Variants in PTGES3 observed in about 807,000 individuals in gnomAD.
The protein encoded by PTGES3 is Hsp90 co-chaperone.
In PTGES3, 5 loss-of-function variants were observed where a neutral mutation model predicts 29.9. The observed-to-expected ratio is 0.17, with a 90% CI of 0.09 to 0.35. PTGES3 has a LOEUF of 0.35. Among genes scored for constraint, PTGES3 ranks in the 10% least tolerant of loss-of-function variants. PTGES3 has a pLI of 1.00. For synonymous variants in PTGES3, 49 were observed against 57.8 expected (o/e 0.85, Z 0.69); for missense variants, 128 against 190.0 (o/e 0.67, Z 1.92).
At chr12:56,670,641 A>C (rs1951965944) in intron 4 of PTGES3, 2 of 293,654 alleles carry the variant, frequency 6.8e-6, no homozygotes, top group Non-Finnish European at 1.3e-5. Flanking sequence ...TAGCGTGGTT[A>C]CCTGACATAT....
At chr12:56,686,847 G>GA in intron 1 of PTGES3, 1 of 396,870 alleles carries the variant, frequency 2.5e-6, no homozygotes. Flanking sequence ...ATCATGACTT[G>GA]AATCAAGCAA....
Position 56,672,766 on chromosome 12 carries a change from C to T in PTGES3, c.160G>A (p.Asp54Asn), listed in dbSNP as rs758914594. 1 of 1,589,738 alleles carries T rather than the reference C, an allele frequency of 6.3e-7. No homozygotes were observed. Residue 54 changes from aspartate to asparagine, a missense_variant, in exon 3 of 8, where the codon GAT becomes AAT. Asp to Asn is a conservative substitution (Grantham distance 23, BLOSUM62 1). Coordinates refer to ENST00000262033, the MANE Select transcript of PTGES3 (RefSeq NM_006601.7). ...TTTGGATCAATACAGTGAAAAAGAT[C>T]AATTTCATTTAAATGCTTAAAATTA... is the stretch of plus-strand genomic sequence containing the variant. Reference protein sequence around the residue: ...SDNFKHLNEIDLFHCIDPNDS... With the variant: ...SDNFKHLNEINLFHCIDPNDS...
In PTGES3 at chr12:56,678,716, AAG is replaced by A. The variant is rs1351064754; in HGVS notation, c.3-5653_3-5652del. ...GGTCTCTGTCCTTTCAAGGCTAACA[AAG>A]AGACCTTTTAGATAGGACTATAGAG... On this transcript the variant is annotated intron_variant, in intron 1 of 7. Transcript: ENST00000262033. Among the ~76,000 whole-genome samples, 3 of 152,192 alleles carry A rather than the reference AAG, an allele frequency of 2.0e-5. No homozygotes were observed. The East Asian group carries it at 5.8e-4, about 29-fold the overall frequency.
chr12:56,669,231 G>C (rs987497975), intron 5 of PTGES3, among the ~76,000 whole-genome samples: 1 of 151,694 alleles, frequency 6.6e-6, no homozygotes, highest in Non-Finnish European at 1.5e-5. Flanking sequence ...TTTTGCTCTT[G>C]TTGCCCAGAC....
Position 56,672,755 on chromosome 12 carries a change from G to A in PTGES3, c.171C>T (p.His57=), listed in dbSNP as rs1344275076. 1.9e-6 allele frequency: 3 copies of A among 1,587,364 alleles called. No homozygotes were observed. The highest frequency in any genetic ancestry group is 1.4e-5 in the African/African-American group (1 of 73,412). The stretch of plus-strand genomic sequence containing the variant: ...GACTACTTACATTTGGATCAATACA[G>A]TGAAAAAGATCAATTTCATTTAAAT... ...FKHLNEIDLF[H]CIDPNDSKHK... is the part of the protein sequence containing the mutation. The change falls in exon 3 of 8, where the codon CAC becomes CAT. Residue 57 remains histidine, a synonymous_variant. Transcript: ENST00000262033.
intron 1 of PTGES3, 30 bp downstream of exon 1, chr12:56,687,968 G>T (rs780839531): frequency 1.2e-6 from 2 of 1,602,608 alleles, no homozygotes; most frequent in African/African-American, 1.4e-5. Flanking sequence ...CTCACTCGGC[G>T]ACCTTCCCTC....
chr12:56,676,286 G>C (rs933709381), intron 1 of PTGES3, among the ~76,000 whole-genome samples: 6 of 150,410 alleles, frequency 4.0e-5, no homozygotes, highest in Admixed American at 4.0e-4. Context: ...CTGACAGAAG[G>C]CTTATTTTTT....
At chr12:56,667,389 A>C (rs1349670608) in intron 5 of PTGES3, among the ~76,000 whole-genome samples, 1 of 152,266 alleles carries the variant, frequency 6.6e-6, no homozygotes, top group East Asian at 1.9e-4. Flanking sequence ...CAAACTTCAA[A>C]AATACATGAT....
intron 1 of PTGES3, among the ~76,000 whole-genome samples, chr12:56,683,512 A>C (rs1160418629): frequency 3.5e-5 from 5 of 142,974 alleles, no homozygotes; most frequent in Non-Finnish European, 7.6e-5. Flanking sequence ...TTAGCCAGGC[A>C]TGGCGGCAGG....
intron 5 of PTGES3, among the ~76,000 whole-genome samples, chr12:56,669,255 C>A (rs1951904641): frequency 6.6e-6 from 1 of 151,776 alleles, no homozygotes; most frequent in African/African-American, 2.4e-5. Flanking sequence ...AGTGCAATAG[C>A]GATCTCGGCT....
At chr12:56,667,561 C>T (rs1951835884) in intron 5 of PTGES3, among the ~76,000 whole-genome samples, 1 of 152,144 alleles carries the variant, frequency 6.6e-6, no homozygotes, top group Admixed American at 6.5e-5. Flanking sequence ...TGAAATAAGC[C>T]AGTCACAGGA....
intron 5 of PTGES3, among the ~76,000 whole-genome samples, chr12:56,666,682 T>A (rs1011535427): frequency 6.6e-6 from 1 of 152,060 alleles, no homozygotes; most frequent in Non-Finnish European, 1.5e-5. Flanking sequence ...AGCTGGAGTA[T>A]GGTGGCGTGA....
intron 1 of PTGES3, among the ~76,000 whole-genome samples, chr12:56,685,179 C>T (rs1416541890): frequency 6.6e-6 from 1 of 152,166 alleles, no homozygotes; most frequent in East Asian, 1.9e-4. Flanking sequence ...TGGATGACGA[C>T]CCATTAAAGG....
chr12:56,669,965 G>GC (rs1951938636), intron 5 of PTGES3, among the ~76,000 whole-genome samples: 1 of 100,386 alleles, frequency 1.0e-5, no homozygotes, highest in South Asian at 4.1e-4. Context: ...CTGCAATCAT[G>GC]CTTTAAAAAA....
intron 1 of PTGES3, among the ~76,000 whole-genome samples, chr12:56,674,851 A>AAAAAAAAAAAAAAAAG (rs1238630701): frequency 7.2e-6 from 1 of 138,882 alleles, no homozygotes; most frequent in Non-Finnish European, 1.6e-5. Flanking sequence ...AAAAAAAAAA[A>AAAAAAAAAAAAAAAAG]AAATTCGCCA....
At position 56,688,206 on chromosome 12, in the gene PTGES3, G is replaced by A. The variant is rs943080765; in HGVS notation, c.-207C>T. On this transcript the variant is annotated 5_prime_UTR_variant, in exon 1 of 8. Coordinates refer to ENST00000262033, the MANE Select transcript of PTGES3 (RefSeq NM_006601.7). The stretch of plus-strand genomic sequence containing the variant: ...CGCGGAAAGAGCGGCTCCTCCGGTC[G>A]GGGAGAAGAGGAAAGTGTAGGAAAA... The A allele has an allele frequency of 1.3e-4, 119 of 882,084 alleles. 1 individual carries two copies. In the Middle Eastern group the frequency reaches 2.2e-3, roughly 16 times the overall value. The allele number at this position is 882,084 out of a possible 1,614,324, so 54.6% of individuals were successfully genotyped here.
At chr12:56,679,458 ATTG>A (rs879200051) in intron 1 of PTGES3, among the ~76,000 whole-genome samples, 6 of 143,670 alleles carry the variant, frequency 4.2e-5, no homozygotes, top group Admixed American at 2.1e-4. Context: ...TGTGGGGTTT[ATTG>A]TTGTTTTGCT....
At chr12:56,687,004 TCAAAAAAA>T in intron 1 of PTGES3, 1 of 43,084 alleles carries the variant, frequency 2.3e-5, no homozygotes, top group Non-Finnish European at 3.9e-5. Flanking sequence ...TAACCTCCCG[TCAAAAAAA>T]AAAAAAAAAA....
chr12:56,677,800 AAT>A (rs1343801854), intron 1 of PTGES3, among the ~76,000 whole-genome samples: 2 of 152,116 alleles, frequency 1.3e-5, no homozygotes, highest in African/African-American at 2.4e-5. Context: ...ACCTGAAACT[AAT>A]AGTTTGCTTA....
Sources: allele counts gnomAD v4.1 joint callset (sites outside exome capture counted in the v4.1 genomes callset), GRCh38; gene constraint gnomAD v4.1.1; transcripts MANE v1.5; gene names NCBI Gene and HGNC (gene_info 2026-07-23, HGNC 2026-07-21).